The following DPH6 variants were observed in gnomAD, a reference collection of about 807,000 sequenced individuals.
DPH6 encodes diphthamine biosynthesis 6.
Under a neutral mutation model 38.2 loss-of-function variants are expected in DPH6, and 33 were observed. That is an observed-to-expected ratio of 0.86 (90% confidence interval 0.65 to 1.15). DPH6 has a LOEUF of 1.15. DPH6 is among the 50% of genes most tolerant of loss of function. DPH6 has a pLI of 0.00. For missense variants in DPH6, 325 were observed against 320.0 expected, an observed-to-expected ratio of 1.02 and a Z score of -0.12; for synonymous variants, 108 against 103.0, an observed-to-expected ratio of 1.05 and a Z score of -0.30.
At chr15:35,473,693 T>C (rs2054224754) in intron 3 of DPH6, among the ~76,000 whole-genome samples, 1 of 152,140 alleles carries the variant, frequency 6.6e-6, no homozygotes, top group South Asian at 2.1e-4. Context: ...TATAGATATA[T>C]TCACACACAT....
intron 3 of DPH6, among the ~76,000 whole-genome samples, chr15:35,245,887 GGTAA>G (rs1337448044): frequency 2.0e-5 from 3 of 152,334 alleles, no homozygotes; most frequent in African/African-American, 7.2e-5. Context: ...GAGTCTGACA[GGTAA>G]GTGTCAGGCC....
intron 7 of DPH6, among the ~76,000 whole-genome samples, chr15:35,379,131 T>C (rs1351112454): frequency 1.3e-5 from 2 of 152,212 alleles, no homozygotes; most frequent in Non-Finnish European, 2.9e-5. Flanking sequence ...CTACTTCCGT[T>C]GTTACATCCC....
At chr15:35,157,577 C>T in the DPH6 span, among the ~76,000 whole-genome samples, 1 of 151,926 alleles carries the variant, frequency 6.6e-6, no homozygotes, top group South Asian at 2.1e-4. Context: ...GTACTCTGTC[C>T]CCTCATTTCC....
the DPH6 span, among the ~76,000 whole-genome samples, chr15:35,146,205 TGATA>T: frequency 6.6e-6 from 1 of 152,108 alleles, no homozygotes; most frequent in African/African-American, 2.4e-5. Flanking sequence ...GTTACTTTTA[TGATA>T]GATAAAACAA....
chr15:35,459,420 A>G lies in DPH6; in HGVS notation c.313-4600T>C, dbSNP rs139219077. On this transcript the variant is annotated intron_variant, in intron 3 of 8. Transcript: ENST00000256538. ...CTAATTATCTCCCAAAGGAGATCCA[A>G]ATACCATCCAAATACATCTCCAAAT... Among the ~76,000 whole-genome samples, 922 of 152,274 alleles carry G rather than the reference A, an allele frequency of 6.1e-3. 10 individuals are homozygous for G. Among genetic ancestry groups the G allele is most frequent in the Middle Eastern group, 0.017 (5 of 294 alleles).
chr15:35,523,542 C>T (rs2054955503), intron 3 of DPH6, among the ~76,000 whole-genome samples: 1 of 151,882 alleles, frequency 6.6e-6, no homozygotes, highest in Non-Finnish European at 1.5e-5. Flanking sequence ...AAATTAAAAA[C>T]TGAACTGGGA....
chr15:35,356,173 T>C (rs2052558436), intron 3 of DPH6, among the ~76,000 whole-genome samples: 1 of 152,210 alleles, frequency 6.6e-6, no homozygotes, highest in African/African-American at 2.4e-5. Context: ...TTATTCTAGT[T>C]AGTCAGTCAT....
chr15:35,459,767 A>T (rs1057155856), intron 3 of DPH6, among the ~76,000 whole-genome samples: 3 of 152,168 alleles, frequency 2.0e-5, no homozygotes, highest in South Asian at 2.1e-4. Context: ...CAGAAGATAT[A>T]ATCAGGATAA....
intron 3 of DPH6, among the ~76,000 whole-genome samples, chr15:35,336,010 C>A (rs2052368658): frequency 6.6e-6 from 1 of 152,130 alleles, no homozygotes; most frequent in Non-Finnish European, 1.5e-5. Flanking sequence ...TCTTCCTATC[C>A]ATGAGCACTG....
intron 3 of DPH6, among the ~76,000 whole-genome samples, chr15:35,259,160 A>AC (rs1491395277): frequency 7.3e-6 from 1 of 137,838 alleles, no homozygotes; most frequent in Non-Finnish European, 1.6e-5. Flanking sequence ...AAAAAAAAAA[A>AC]AGATTCCTAC....
intron 5 of DPH6, among the ~76,000 whole-genome samples, chr15:35,425,742 CTCAA>C (rs2053561612): frequency 6.7e-6 from 1 of 148,718 alleles, no homozygotes; most frequent in South Asian, 2.1e-4. Flanking sequence ...GATGGATAGA[CTCAA>C]TCTATTCCAA....
intron 3 of DPH6, among the ~76,000 whole-genome samples, chr15:35,362,990 T>C (rs1420793314): frequency 1.3e-5 from 2 of 152,216 alleles, no homozygotes; most frequent in African/African-American, 4.8e-5. Flanking sequence ...TAGCATAATC[T>C]TATTGTAATA....
At chr15:35,225,949 A>G (rs1302831238) in intron 3 of DPH6, among the ~76,000 whole-genome samples, 3 of 152,184 alleles carry the variant, frequency 2.0e-5, no homozygotes, top group Non-Finnish European at 4.4e-5. Flanking sequence ...TTGTACCTAT[A>G]TTAAAAATGA....
At chr15:35,351,107 T>C (rs1214992980) in intron 3 of DPH6, among the ~76,000 whole-genome samples, 1 of 152,214 alleles carries the variant, frequency 6.6e-6, no homozygotes, top group East Asian at 1.9e-4. Context: ...ATTCACCTAA[T>C]ATATATAAAA....
At chr15:35,448,352 A>G (rs1243499710) in intron 5 of DPH6, among the ~76,000 whole-genome samples, 1 of 152,192 alleles carries the variant, frequency 6.6e-6, no homozygotes, top group African/African-American at 2.4e-5. Flanking sequence ...TTTCTAATAA[A>G]TAATATCTCT....
chr15:35,479,276 G>A lies in DPH6; in HGVS notation c.313-24456C>T, dbSNP rs78127419. 3.9e-3 allele frequency among the ~76,000 whole-genome samples: 598 copies of A among 152,134 alleles called. 10 individuals are homozygous for A. Among genetic ancestry groups the A allele is most frequent in the African/African-American group, 0.014 (574 of 41,522 alleles). On this transcript the variant is annotated intron_variant, in intron 3 of 8. Coordinates refer to ENST00000256538, the MANE Select transcript of DPH6 (RefSeq NM_080650.4). ...TCACAGACCCATATAAATTAAAGGA[G>A]TCCAACAATTTAAAATTTACTGTCT...
At chr15:35,525,571 A>C (rs1333999075) in intron 3 of DPH6, among the ~76,000 whole-genome samples, 1 of 152,168 alleles carries the variant, frequency 6.6e-6, no homozygotes, top group East Asian at 1.9e-4. Flanking sequence ...AGGCTTTCTG[A>C]AAGTGATGGT....
At position 35,407,865 on chromosome 15, in the gene DPH6, A is replaced by C. The variant is rs145377433; in HGVS notation, c.567+2970T>G. Among the ~76,000 whole-genome samples the C allele has an allele frequency of 1.9e-3, 291 of 152,114 alleles. 3 individuals carry two copies. Among genetic ancestry groups the C allele is most frequent in the African/African-American group, 6.7e-3 (278 of 41,532 alleles). Reference sequence around the variant, plus strand: ...GGATGCTGATCGTACAGGGTCTCACAAGTTGTGACCTCATAGCTGTTTGGA... The same window carrying C: ...GGATGCTGATCGTACAGGGTCTCACCAGTTGTGACCTCATAGCTGTTTGGA... On this transcript the variant is annotated intron_variant, in intron 6 of 8. Transcript: ENST00000256538.
chr15:35,447,386 C>A (rs1326439100), intron 5 of DPH6, among the ~76,000 whole-genome samples: 2 of 152,176 alleles, frequency 1.3e-5, no homozygotes, highest in African/African-American at 4.8e-5. Context: ...ATGGTTACAG[C>A]TCTCCACAGA....
Sources: gnomAD v4.1 joint callset for allele counts (sites outside exome capture counted in the v4.1 genomes callset) on GRCh38, gnomAD v4.1.1 for gene constraint, MANE v1.5 for transcripts, NCBI Gene and HGNC (gene_info 2026-07-23, HGNC 2026-07-21) for gene names.